The following AFG2A variants were observed in gnomAD, a reference collection of about 807,000 sequenced individuals.
AFG2A encodes AAA ATPase AFG2A, also known as ATPase family gene 2 protein homolog A.
chr4:123,290,740 C>T, the AFG2A span, among the ~76,000 whole-genome samples: 1 of 152,164 alleles, frequency 6.6e-6, no homozygotes, highest in Non-Finnish European at 1.5e-5. Context: ...CATTCACTAT[C>T]ACAAGAACAG....
chr4:123,173,669 T>C, the AFG2A span, among the ~76,000 whole-genome samples: 3 of 152,106 alleles, frequency 2.0e-5, no homozygotes, highest in Admixed American at 6.6e-5. Flanking sequence ...TTTTTTAATA[T>C]AGTATTTTAT....
chr4:123,095,748 T>G, the AFG2A span, among the ~76,000 whole-genome samples: 2 of 152,092 alleles, frequency 1.3e-5, no homozygotes, highest in Non-Finnish European at 2.9e-5. Context: ...GAAATTGATA[T>G]ATATAGTGTA....
At chr4:123,048,362 G>A in the AFG2A span, among the ~76,000 whole-genome samples, 1 of 152,132 alleles carries the variant, frequency 6.6e-6, no homozygotes, top group African/African-American at 2.4e-5. Context: ...GGATCCATAT[G>A]AAATTTAGGA....
At chr4:123,017,249 G>GGAGAGC in the AFG2A span, among the ~76,000 whole-genome samples, 1,570 of 133,434 alleles carry the variant, frequency 0.012, 17 homozygotes, top group East Asian at 0.02. Flanking sequence ...AGAGGGAGAG[G>GGAGAGC]GAGAGCGAGA....
At chr4:123,312,990 G>A in the AFG2A span, among the ~76,000 whole-genome samples, 3,242 of 152,278 alleles carry the variant, frequency 0.021, 60 homozygotes, top group Non-Finnish European at 0.035. Context: ...ATATAAGGGC[G>A]CAGTCAATAT....
chr4:123,039,189 A>G, the AFG2A span, among the ~76,000 whole-genome samples: 4 of 152,116 alleles, frequency 2.6e-5, no homozygotes, highest in Non-Finnish European at 4.4e-5. Flanking sequence ...AAAAAGCAGT[A>G]TATATACATT....
At chr4:123,038,768 T>C in the AFG2A span, among the ~76,000 whole-genome samples, 1 of 152,248 alleles carries the variant, frequency 6.6e-6, no homozygotes, top group East Asian at 1.9e-4. Flanking sequence ...TTCTTCACAG[T>C]GCCAGATTTT....
At chr4:123,109,410 G>T in the AFG2A span, among the ~76,000 whole-genome samples, 1 of 152,102 alleles carries the variant, frequency 6.6e-6, no homozygotes, top group African/African-American at 2.4e-5. Flanking sequence ...GTTGAATAGT[G>T]CTATATAGAC....
the AFG2A span, among the ~76,000 whole-genome samples, chr4:123,185,490 A>G: frequency 6.6e-6 from 1 of 152,134 alleles, no homozygotes; most frequent in African/African-American, 2.4e-5. Flanking sequence ...TACACTAAAT[A>G]GGTTGAAGTA....
At chr4:123,277,390 G>A in the AFG2A span, among the ~76,000 whole-genome samples, 2 of 152,112 alleles carry the variant, frequency 1.3e-5, no homozygotes, top group Non-Finnish European at 2.9e-5. Flanking sequence ...AGACTATGGG[G>A]GTTTTCTAGA....
chr4:123,238,709 A>G, the AFG2A span, among the ~76,000 whole-genome samples: 13 of 152,348 alleles, frequency 8.5e-5, no homozygotes, highest in South Asian at 2.7e-3. Flanking sequence ...AAAGGTAGAT[A>G]AAACCACAAA....
chr4:123,222,652 G>A, the AFG2A span, among the ~76,000 whole-genome samples: 10 of 151,970 alleles, frequency 6.6e-5, no homozygotes, highest in Non-Finnish European at 1.3e-4. Flanking sequence ...CTGAAGCATT[G>A]CTTCACTGAA....
At chr4:123,189,921 T>G in the AFG2A span, among the ~76,000 whole-genome samples, 3 of 132,044 alleles carry the variant, frequency 2.3e-5, no homozygotes, top group African/African-American at 8.5e-5. Context: ...TCATCCCACC[T>G]CAGCTTCCCA....
chr4:123,167,855 C>T, the AFG2A span, among the ~76,000 whole-genome samples: 1 of 152,150 alleles, frequency 6.6e-6, no homozygotes, highest in Non-Finnish European at 1.5e-5. Flanking sequence ...ATTGTAAGAT[C>T]TTCAGCTGAT....
At chr4:123,179,651 A>C in the AFG2A span, among the ~76,000 whole-genome samples, 2 of 152,204 alleles carry the variant, frequency 1.3e-5, no homozygotes, top group Non-Finnish European at 2.9e-5. Context: ...GGCGTGAGCC[A>C]CTGCCCCCAA....
At chr4:123,067,604 A>AC in the AFG2A span, among the ~76,000 whole-genome samples, 1 of 17,656 alleles carries the variant, frequency 5.7e-5, no homozygotes, top group East Asian at 3.7e-3. Context: ...AATGTATACT[A>AC]GGAAAAATAT....
At chr4:123,239,406 GA>G in the AFG2A span, among the ~76,000 whole-genome samples, 1 of 152,020 alleles carries the variant, frequency 6.6e-6, no homozygotes. Flanking sequence ...TGAAATGAAG[GA>G]AAAAATGTTA....
At chr4:123,014,113 C>A in the AFG2A span, among the ~76,000 whole-genome samples, 1 of 152,202 alleles carries the variant, frequency 6.6e-6, no homozygotes, top group East Asian at 1.9e-4. Context: ...CTCTGTCTTC[C>A]CTCTGTTTTT....
At chr4:123,046,051 T>C in the AFG2A span, among the ~76,000 whole-genome samples, 137,482 of 151,216 alleles carry the variant, frequency 0.91, 62,732 homozygotes, top group East Asian at 0.97. Context: ...GAGTGGAGAT[T>C]GCACCACTGC....
Sources: allele counts gnomAD v4.1 joint callset (sites outside exome capture counted in the v4.1 genomes callset), GRCh38; gene constraint gnomAD v4.1.1; transcripts MANE v1.5; gene names NCBI Gene and HGNC (gene_info 2026-07-23, HGNC 2026-07-21).